The following NDUFA12 variants were observed in gnomAD, a reference collection of about 807,000 sequenced individuals.
The protein encoded by NDUFA12 is NADH dehydrogenase [ubiquinone] 1 alpha subcomplex subunit 12.
A neutral mutation model predicts 20.3 loss-of-function variants in NDUFA12; 17 were observed. That is an observed-to-expected ratio of 0.84 (90% CI 0.57 to 1.26). NDUFA12 has a LOEUF of 1.26. Among genes scored for constraint, NDUFA12 ranks in the 50% most tolerant of loss-of-function variants. The pLI is 0.00. For synonymous variants in NDUFA12, 72 were observed against 63.6 expected (o/e 1.13, Z -0.63); for missense variants, 191 against 183.7 (o/e 1.04, Z -0.23).
At chr12:94,973,678 T>C (rs1873963468) in intron 3 of NDUFA12, among the ~76,000 whole-genome samples, 1 of 152,148 alleles carries the variant, frequency 6.6e-6, no homozygotes, top group Admixed American at 6.5e-5. Flanking sequence ...GAAGAGCTCA[T>C]GGAGAAATGG....
chr12:94,998,975 A>T (rs1874929995), intron 2 of NDUFA12, among the ~76,000 whole-genome samples: 1 of 152,218 alleles, frequency 6.6e-6, no homozygotes, highest in Non-Finnish European at 1.5e-5. Context: ...CAGAACTAGA[A>T]AAAACAATTC....
At chr12:94,987,343 G>A (rs185333866) in intron 3 of NDUFA12, among the ~76,000 whole-genome samples, 1 of 152,326 alleles carries the variant, frequency 6.6e-6, no homozygotes, top group Non-Finnish European at 1.5e-5. Context: ...AAGTGTGAAG[G>A]AGACTAAAGA....
intron 3 of NDUFA12, among the ~76,000 whole-genome samples, chr12:94,977,237 A>T (rs1459778893): frequency 1.3e-5 from 2 of 152,160 alleles, no homozygotes; most frequent in Non-Finnish European, 2.9e-5. Flanking sequence ...TGGCTGTCAC[A>T]TATAATCCCA....
At chr12:94,990,040 G>A (rs936553849) in intron 3 of NDUFA12, among the ~76,000 whole-genome samples, 5 of 152,068 alleles carry the variant, frequency 3.3e-5, no homozygotes, top group Admixed American at 3.3e-4. Flanking sequence ...TTGACACCTT[G>A]GTCTCAAATA....
At chr12:94,988,820 C>A (rs1416179174) in intron 3 of NDUFA12, among the ~76,000 whole-genome samples, 1 of 152,134 alleles carries the variant, frequency 6.6e-6, no homozygotes, top group Non-Finnish European at 1.5e-5. Context: ...CCACCTGCAC[C>A]CAGGCGCTCA....
At chr12:94,999,286 G>A (rs1229289803) in intron 2 of NDUFA12, among the ~76,000 whole-genome samples, 3 of 152,196 alleles carry the variant, frequency 2.0e-5, no homozygotes, top group Non-Finnish European at 4.4e-5. Flanking sequence ...GCCACATGTA[G>A]AAGAATGGAA....
At chr12:94,977,998 T>C (rs761715233) in intron 3 of NDUFA12, among the ~76,000 whole-genome samples, 2 of 151,866 alleles carry the variant, frequency 1.3e-5, no homozygotes, top group African/African-American at 2.4e-5. Context: ...AAACAGCTAG[T>C]GCAGAGACTG....
At chr12:94,998,677 AC>A (rs1169100516) in intron 2 of NDUFA12, among the ~76,000 whole-genome samples, 1 of 152,348 alleles carries the variant, frequency 6.6e-6, no homozygotes, top group African/African-American at 2.4e-5. Context: ...GCACAGCTAT[AC>A]ACCAACAATG....
intron 2 of NDUFA12, chr12:94,996,976 T>A (rs1020591347): frequency 5.0e-6 from 2 of 397,334 alleles, no homozygotes; most frequent in Admixed American, 3.3e-5. Context: ...AGTTTCTTCA[T>A]CTATAAAACA....
At chr12:94,987,330 A>G (rs1321933102) in intron 3 of NDUFA12, among the ~76,000 whole-genome samples, 1 of 152,242 alleles carries the variant, frequency 6.6e-6, no homozygotes, top group Non-Finnish European at 1.5e-5. Context: ...TGAGGAACCA[A>G]TCAAGTGTGA....
At chr12:94,999,329 C>A (rs1874942611) in intron 2 of NDUFA12, among the ~76,000 whole-genome samples, 1 of 152,178 alleles carries the variant, frequency 6.6e-6, no homozygotes, top group Admixed American at 6.5e-5. Flanking sequence ...ATACAAAAAT[C>A]AACTCAAGAT....
At chr12:94,985,626 C>CAAAAAAAAAAAAAAAAAAAAAA in intron 3 of NDUFA12, among the ~76,000 whole-genome samples, 1 of 43,570 alleles carries the variant, frequency 2.3e-5, no homozygotes, top group Non-Finnish European at 4.3e-5. Flanking sequence ...GACTCCATCT[C>CAAAAAAAAAAAAAAAAAAAAAA]AAAAAAAAAA....
chr12:94,995,510 A>C (rs1450949853), intron 2 of NDUFA12, among the ~76,000 whole-genome samples: 1 of 152,088 alleles, frequency 6.6e-6, no homozygotes, highest in Admixed American at 6.5e-5. Context: ...TCTCAGACTC[A>C]GAAATTCAAC....
chr12:94,982,270 C>A (rs867027381), intron 3 of NDUFA12, among the ~76,000 whole-genome samples: 1 of 94,954 alleles, frequency 1.1e-5, no homozygotes, highest in East Asian at 3.2e-4. Flanking sequence ...TTTTCTTTTT[C>A]TTTTCTTTTT....
At chr12:94,975,630 G>A (rs1592697795) in intron 3 of NDUFA12, among the ~76,000 whole-genome samples, 2 of 151,960 alleles carry the variant, frequency 1.3e-5, no homozygotes, top group Non-Finnish European at 2.9e-5. Context: ...TCATGTACAA[G>A]GATATTTATC....
chr12:94,988,596 C>A (rs1389035664), intron 3 of NDUFA12, among the ~76,000 whole-genome samples: 1 of 152,102 alleles, frequency 6.6e-6, no homozygotes, highest in Non-Finnish European at 1.5e-5. Context: ...CTTCTCAGGC[C>A]CAGTCCCAAG....
chr12:94,979,181 T>C (rs998520109), intron 3 of NDUFA12, among the ~76,000 whole-genome samples: 2 of 151,816 alleles, frequency 1.3e-5, no homozygotes, highest in South Asian at 2.1e-4. Flanking sequence ...TGTGCTATGA[T>C]TGCACCTGTG....
intron 3 of NDUFA12, among the ~76,000 whole-genome samples, chr12:94,975,203 A>T (rs1323611985): frequency 6.6e-6 from 1 of 152,204 alleles, no homozygotes; most frequent in Non-Finnish European, 1.5e-5. Flanking sequence ...AACACTATAA[A>T]CAGGATTAAA....
chr12:94,989,235 A>G (rs1307663911), intron 3 of NDUFA12, among the ~76,000 whole-genome samples: 1 of 152,102 alleles, frequency 6.6e-6, no homozygotes, highest in Non-Finnish European at 1.5e-5. Context: ...ATTTTTCATT[A>G]CCACAATTAT....
Sources: gnomAD v4.1 joint callset for allele counts (sites outside exome capture counted in the v4.1 genomes callset) on GRCh38, gnomAD v4.1.1 for gene constraint, MANE v1.5 for transcripts, NCBI Gene and HGNC (gene_info 2026-07-23, HGNC 2026-07-21) for gene names.